Variants in ZC3H12B observed in about 807,000 individuals in gnomAD.
ZC3H12B encodes the protein probable ribonuclease ZC3H12B.
Under a neutral mutation model 43.9 loss-of-function variants are expected in ZC3H12B, and 7 were observed. That is an observed-to-expected ratio of 0.16 (90% CI 0.09 to 0.30). ZC3H12B has a LOEUF of 0.30. ZC3H12B is among the 10% of genes least tolerant of loss of function. ZC3H12B has a pLI of 1.00. For synonymous variants in ZC3H12B, 222 were observed against 241.7 expected (o/e 0.92, Z 0.76); for missense variants, 475 against 670.2 (o/e 0.71, Z 3.22).
chrX:65,172,726 G>T, the ZC3H12B span, among the ~76,000 whole-genome samples: 4 of 111,960 alleles, frequency 3.6e-5, no homozygotes, highest in Admixed American at 3.8e-4. Context: ...TCAAAGATCA[G>T]ATTGTTCTAG....
the ZC3H12B span, among the ~76,000 whole-genome samples, chrX:65,337,571 A>G: frequency 8.9e-6 from 1 of 112,203 alleles, no homozygotes; most frequent in Admixed American, 9.5e-5. Flanking sequence ...CATTCACTTG[A>G]CTTAATTATT....
the ZC3H12B span, among the ~76,000 whole-genome samples, chrX:65,094,681 A>G: frequency 1.6e-4 from 18 of 112,725 alleles, no homozygotes; most frequent in Non-Finnish European, 3.2e-4. Flanking sequence ...ACACACTCAC[A>G]GTAAAATTAA....
the ZC3H12B span, among the ~76,000 whole-genome samples, chrX:65,350,333 G>T: frequency 9.0e-6 from 1 of 111,688 alleles, no homozygotes; most frequent in Non-Finnish European, 1.9e-5. Context: ...TTAATAGAAT[G>T]TATCTCAAAA....
intron 3 of ZC3H12B, among the ~76,000 whole-genome samples, chrX:65,418,272 G>T (rs1433557551): frequency 9.0e-6 from 1 of 111,489 alleles, no homozygotes; most frequent in Non-Finnish European, 1.9e-5. Flanking sequence ...CTAGCTCATT[G>T]TGTACAATTC....
chrX:65,292,399 T>C, the ZC3H12B span, among the ~76,000 whole-genome samples: 2 of 111,380 alleles, frequency 1.8e-5, no homozygotes, highest in South Asian at 7.5e-4. Flanking sequence ...ATACGGCATG[T>C]TCTCACTATA....
chrX:65,437,172 T>G (rs1432890432), intron 3 of ZC3H12B, among the ~76,000 whole-genome samples: 1 of 110,571 alleles, frequency 9.0e-6, no homozygotes, highest in African/African-American at 3.3e-5. Context: ...AGGCTGGTCT[T>G]GAAACCTGAC....
the ZC3H12B span, among the ~76,000 whole-genome samples, chrX:65,314,497 C>T: frequency 9.0e-6 from 1 of 111,576 alleles, no homozygotes; most frequent in South Asian, 3.7e-4. Context: ...ATGGAAACAA[C>T]ATTGTTAAAG....
the ZC3H12B span, among the ~76,000 whole-genome samples, chrX:65,113,669 G>A: frequency 9.1e-6 from 1 of 109,905 alleles, no homozygotes; most frequent in Non-Finnish European, 1.9e-5. Context: ...TTAAGAAAAC[G>A]CCACAGCACT....
the ZC3H12B span, among the ~76,000 whole-genome samples, chrX:65,110,835 T>C: frequency 9.0e-6 from 1 of 111,564 alleles, no homozygotes; most frequent in African/African-American, 3.2e-5. Flanking sequence ...TTGACATATT[T>C]CTATTTTAAG....
At chrX:65,100,793 A>C in the ZC3H12B span, among the ~76,000 whole-genome samples, 6 of 110,193 alleles carry the variant, frequency 5.4e-5, no homozygotes, top group Non-Finnish European at 9.5e-5. Flanking sequence ...CTCCCACACA[A>C]TAATAATGGG....
chrX:65,444,491 T>C (rs747845050), intron 3 of ZC3H12B, among the ~76,000 whole-genome samples: 7 of 112,677 alleles, frequency 6.2e-5, no homozygotes, highest in South Asian at 7.3e-4. Context: ...ATGTGAGACA[T>C]GGCTTTCACT....
At chrX:65,439,860 C>G (rs1460145660) in intron 3 of ZC3H12B, among the ~76,000 whole-genome samples, 3 of 110,242 alleles carry the variant, frequency 2.7e-5, no homozygotes, top group Non-Finnish European at 5.7e-5. Context: ...GTGTCAGTCT[C>G]AACATGGCTG....
At chrX:65,303,862 T>A in the ZC3H12B span, among the ~76,000 whole-genome samples, 1 of 112,450 alleles carries the variant, frequency 8.9e-6, no homozygotes, top group Non-Finnish European at 1.9e-5. Context: ...CACTGAAAAT[T>A]GTGAAACATT....
rs1368736773 is a variant in ZC3H12B at position 65,457,559 on chromosome X, G to C, written n.408-31087G>C. On this transcript the variant is annotated intron_variant and non_coding_transcript_variant, in intron 3 of 5. Transcript: ENST00000617377. ...TCTGCCCGGCCACGACCCCGTCTGG[G>C]AGGTGTGCCCAGCGGCTCACTGGGG... Among the ~76,000 whole-genome samples the C allele has an allele frequency of 2.3e-5, 2 of 85,774 alleles. 1 individual carries two copies. Among genetic ancestry groups the C allele is most frequent in the African/African-American group, 1.8e-4 (2 of 10,981 alleles). 74.5% of individuals were successfully genotyped at this position (85,774 alleles called of 115,157 possible). A position where few individuals can be genotyped will look rare whatever the true frequency, so the allele number is the denominator to read the frequency against.
the ZC3H12B span, among the ~76,000 whole-genome samples, chrX:65,324,639 C>T: frequency 1.8e-5 from 2 of 111,065 alleles, no homozygotes; most frequent in Non-Finnish European, 3.8e-5. Context: ...TCTGGTTTTA[C>T]ACCATTGTCA....
At chrX:65,284,254 A>C in the ZC3H12B span, among the ~76,000 whole-genome samples, 283 of 107,382 alleles carry the variant, frequency 2.6e-3, 2 homozygotes, top group African/African-American at 7.4e-3. Flanking sequence ...ACACACACAA[A>C]AAAAAAAAAA....
chrX:65,150,017 A>G, the ZC3H12B span, among the ~76,000 whole-genome samples: 4 of 109,910 alleles, frequency 3.6e-5, no homozygotes, highest in African/African-American at 1.3e-4. Context: ...CAACTTAAAT[A>G]TCCATGAGCA....
chrX:65,331,397 ATGT>A, the ZC3H12B span, among the ~76,000 whole-genome samples: 60 of 111,288 alleles, frequency 5.4e-4, no homozygotes, highest in African/African-American at 1.5e-3. Flanking sequence ...AGGAAGACAA[ATGT>A]TGTATATTCT....
chrX:65,154,939 A>C, the ZC3H12B span, among the ~76,000 whole-genome samples: 2 of 110,576 alleles, frequency 1.8e-5, no homozygotes, highest in Non-Finnish European at 3.8e-5. Flanking sequence ...AGCTCAAGGA[A>C]GTTCCCTTCT....
Sources: gnomAD v4.1 joint callset for allele counts (sites outside exome capture counted in the v4.1 genomes callset) on GRCh38, gnomAD v4.1.1 for gene constraint, MANE v1.5 for transcripts, NCBI Gene and HGNC (gene_info 2026-07-23, HGNC 2026-07-21) for gene names.